SLC22A3: variants seen among roughly 807,000 people sequenced by gnomAD.
The protein encoded by SLC22A3 is solute carrier family 22 member 3.
In SLC22A3, 51 loss-of-function variants were observed where a neutral mutation model predicts 59.1. That is an observed-to-expected ratio of 0.86 (90% CI 0.69 to 1.09). SLC22A3 has a LOEUF of 1.09. Ranked by LOEUF, SLC22A3 falls within the 50% of genes least tolerant of loss-of-function variation. The probability of loss-of-function intolerance (pLI) is 0.00; values close to 1 mark genes in which losing one functional copy is unlikely to be tolerated. For missense variants in SLC22A3, 711 were observed against 726.3 expected, an observed-to-expected ratio of 0.98 and a Z score of 0.24; for synonymous variants, 325 against 292.0, an observed-to-expected ratio of 1.11 and a Z score of -1.15.
At chr6:160,379,708 C>T (rs1785726468) in intron 1 of SLC22A3, among the ~76,000 whole-genome samples, 1 of 152,194 alleles carries the variant, frequency 6.6e-6, no homozygotes, top group African/African-American at 2.4e-5. Flanking sequence ...ATGACTCATG[C>T]TCTGTTCTTG....
At chr6:160,428,832 T>C (rs1289442388) in intron 5 of SLC22A3, among the ~76,000 whole-genome samples, 1 of 152,232 alleles carries the variant, frequency 6.6e-6, no homozygotes, top group Non-Finnish European at 1.5e-5. Flanking sequence ...TTATCTACTC[T>C]TGTTTTAAAG....
At chr6:160,365,617 A>G (rs1162744575) in intron 1 of SLC22A3, among the ~76,000 whole-genome samples, 1 of 152,206 alleles carries the variant, frequency 6.6e-6, no homozygotes, top group Non-Finnish European at 1.5e-5. Context: ...TGTGATGATG[A>G]TGGCTAACCT....
At chr6:160,436,959 T>C (rs1562500879) in intron 6 of SLC22A3, 38 bp from the exon 7 acceptor site, 1 of 1,613,034 alleles carries the variant, frequency 6.2e-7, no homozygotes, top group Admixed American at 1.7e-5. Flanking sequence ...TGAAGTTATC[T>C]CTTACTTGTT....
intron 2 of SLC22A3, among the ~76,000 whole-genome samples, chr6:160,404,833 C>A (rs1786939451): frequency 2.3e-5 from 3 of 128,440 alleles, no homozygotes; most frequent in East Asian, 2.2e-4. Flanking sequence ...AAGCAGAAAA[C>A]AAAAGGTACT....
Position 160,396,988 on chromosome 6 carries a change from T to C in SLC22A3, c.430-991T>C, listed in dbSNP as rs950130455. The stretch of plus-strand genomic sequence containing the variant: ...AAATAAGAGCTCAAAGAGAAAAAAA[T>C]TGATGTCAAATTTCAGACTATTAAA... On this transcript the variant is annotated intron_variant, in intron 1 of 10. Transcript: ENST00000275300. 7.7e-4 allele frequency among the ~76,000 whole-genome samples: 117 copies of C among 152,212 alleles called. 1 individual carries two copies. Among genetic ancestry groups the C allele is most frequent in the African/African-American group, 2.7e-3 (114 of 41,532 alleles).
rs779422933 is a variant in SLC22A3, at chr6:160,429,157, C to G, written c.976-7623C>G. ...AACTTTTGAAGGTGGTTTCTGGTTC[C>G]CCCAATCGGTGAGCCCAAAGACCTC... On this transcript the variant is annotated intron_variant, in intron 5 of 10. Transcript: ENST00000275300. 1.6e-4 allele frequency among the ~76,000 whole-genome samples: 25 copies of G among 152,152 alleles called. 1 individual carries two copies. The highest frequency in any genetic ancestry group is 1.5e-3 in the Admixed American group (23 of 15,278).
intron 2 of SLC22A3, among the ~76,000 whole-genome samples, chr6:160,406,125 A>G (rs186609686): frequency 2.2e-4 from 34 of 152,302 alleles, no homozygotes; most frequent in African/African-American, 7.2e-4. Flanking sequence ...CAGCAAGTGT[A>G]CCACTCCCAT....
At position 160,348,426 on chromosome 6, in the gene SLC22A3, T is replaced by G. The variant is rs150816248; in HGVS notation, c.7T>G (p.Ser3Ala). The G allele has an allele frequency of 6.7e-7, 1 of 1,498,888 alleles. No individual in the cohort carries two copies. The highest frequency in any genetic ancestry group is 8.9e-7 in the Non-Finnish European group (1 of 1,128,262). 92.8% of individuals were successfully genotyped at this position (1,498,888 alleles called of 1,614,324 possible). ...GGCGGGCGGCGGGCGCACCATGCCC[T>G]CCTTCGACGAGGCGCTGCAGCGGGT... Reference protein sequence around the residue: MPSFDEALQRVGE... With the variant: MPAFDEALQRVGE... Residue 3 changes from serine to alanine, a missense_variant, in exon 1 of 11, where the codon TCC becomes GCC. Physicochemically the swap from Ser to Ala is moderately conservative, Grantham distance 99. Coordinates refer to ENST00000275300, the MANE Select transcript of SLC22A3 (RefSeq NM_021977.4).
intron 7 of SLC22A3, among the ~76,000 whole-genome samples, chr6:160,441,630 G>A (rs1296605425): frequency 5.5e-5 from 7 of 126,760 alleles, no homozygotes; most frequent in Non-Finnish European, 1.0e-4. Context: ...TTTTGACTTG[G>A]CTATTCTCTA....
chr6:160,416,938 G>T (rs1057356817), intron 5 of SLC22A3, among the ~76,000 whole-genome samples: 1 of 152,216 alleles, frequency 6.6e-6, no homozygotes, highest in African/African-American at 2.4e-5. Flanking sequence ...CACACTTCTG[G>T]TGGTAGTAGA....
chr6:160,356,451 T>C lies in SLC22A3; in HGVS notation c.429+7603T>C, dbSNP rs75835587. 3.5e-4 allele frequency among the ~76,000 whole-genome samples: 54 copies of C among 152,336 alleles called. 1 individual carries two copies. In the East Asian group the frequency reaches 0.01, roughly 29 times the overall value. The stretch of plus-strand genomic sequence containing the variant: ...ATAATTTTAATGTGCTGACGTCCAT[T>C]GTGCAGAAGAGACTTTTCCCAGCTG... On this transcript the variant is annotated intron_variant, in intron 1 of 10. Transcript: ENST00000275300.
At chr6:160,420,305 A>G (rs541929759) in intron 5 of SLC22A3, among the ~76,000 whole-genome samples, 45 of 152,318 alleles carry the variant, frequency 3.0e-4, no homozygotes, top group African/African-American at 1.1e-3. Context: ...AGACAGCAGC[A>G]TTTTGCACAA....
At chr6:160,438,597 TACACACACACACACAC>T (rs10618183) in intron 7 of SLC22A3, among the ~76,000 whole-genome samples, 1 of 149,874 alleles carries the variant, frequency 6.7e-6, no homozygotes, top group South Asian at 2.1e-4. Context: ...CACACACACA[TACACACACACACACAC>T]ACACACACAC....
intron 5 of SLC22A3, among the ~76,000 whole-genome samples, chr6:160,417,623 T>G (rs967910199): frequency 6.6e-6 from 1 of 152,222 alleles, no homozygotes; most frequent in African/African-American, 2.4e-5. Flanking sequence ...ATGGAAATAC[T>G]TCCTGGGTCT....
intron 7 of SLC22A3, among the ~76,000 whole-genome samples, chr6:160,438,619 C>T (rs1471543904): frequency 6.6e-6 from 1 of 151,728 alleles, no homozygotes; most frequent in Admixed American, 6.6e-5. Context: ...CACACACACA[C>T]ACACAATGTA....
At chr6:160,448,044 G>C (rs1473411281) in intron 10 of SLC22A3, among the ~76,000 whole-genome samples, 1 of 152,094 alleles carries the variant, frequency 6.6e-6, no homozygotes, top group Non-Finnish European at 1.5e-5. Flanking sequence ...GTTGTGAAGA[G>C]AGAAGCATTT....
At chr6:160,389,587 C>T (rs538937542) in intron 1 of SLC22A3, among the ~76,000 whole-genome samples, 28 of 152,316 alleles carry the variant, frequency 1.8e-4, no homozygotes, top group Admixed American at 6.5e-4. Context: ...CTCTGTGACA[C>T]GTCTCTCCTC....
chr6:160,444,716 C>A (rs56990480), intron 9 of SLC22A3, among the ~76,000 whole-genome samples: 2 of 152,176 alleles, frequency 1.3e-5, no homozygotes, highest in Admixed American at 6.5e-5. Context: ...CCCTTTCTCA[C>A]GCAACCGTTT....
chr6:160,371,794 C>T (rs909234053), intron 1 of SLC22A3, among the ~76,000 whole-genome samples: 11 of 152,208 alleles, frequency 7.2e-5, no homozygotes, highest in Non-Finnish European at 1.5e-4. Context: ...ATCCCACCAA[C>T]AGTGTAAATG....
Sources: gnomAD v4.1 joint callset for allele counts (sites outside exome capture counted in the v4.1 genomes callset) on GRCh38, gnomAD v4.1.1 for gene constraint, MANE v1.5 for transcripts, NCBI Gene and HGNC (gene_info 2026-07-23, HGNC 2026-07-21) for gene names.